Variants in CDYL2 observed in about 807,000 individuals in gnomAD.
CDYL2 encodes the protein chromodomain Y like 2.
Under a neutral mutation model 49.4 loss-of-function variants are expected in CDYL2, and 23 were observed. That is an observed-to-expected ratio of 0.47 (90% CI 0.34 to 0.66). The LOEUF (loss-of-function observed/expected upper bound fraction) is 0.66, where lower values mean the gene tolerates loss of function less well. Among genes scored for constraint, CDYL2 ranks in the 30% least tolerant of loss-of-function variants. The pLI is 0.01. For missense variants in CDYL2, 678 were observed against 656.4 expected, an observed-to-expected ratio of 1.03 and a Z score of -0.36; for synonymous variants, 360 against 268.8, an observed-to-expected ratio of 1.34 and a Z score of -3.32.
At chr16:80,713,860 C>T (rs729936) in intron 1 of CDYL2, among the ~76,000 whole-genome samples, 41,795 of 152,012 alleles carry the variant, frequency 0.27, 10,797 homozygotes, top group African/African-American at 0.68. Flanking sequence ...CAAGCCCTCA[C>T]GGAGAGACTA....
chr16:80,729,104 T>C (rs1030651658), intron 1 of CDYL2, among the ~76,000 whole-genome samples: 7 of 151,890 alleles, frequency 4.6e-5, no homozygotes, highest in African/African-American at 1.5e-4. Flanking sequence ...ATAACAATAT[T>C]AACTTTAAAT....
At chr16:80,698,091 T>C (rs538073852) in intron 1 of CDYL2, among the ~76,000 whole-genome samples, 4 of 151,840 alleles carry the variant, frequency 2.6e-5, no homozygotes, top group East Asian at 1.9e-4. Context: ...TAGTCAAAGT[T>C]ATCCTGAGCA....
intron 2 of CDYL2, among the ~76,000 whole-genome samples, chr16:80,670,320 G>C (rs1379273214): frequency 6.6e-6 from 1 of 152,074 alleles, no homozygotes; most frequent in African/African-American, 2.4e-5. Flanking sequence ...CTGTTCTTGT[G>C]ATACTGAAGT....
Position 80,743,392 on chromosome 16 carries a change from A to C in CDYL2, c.25-58263T>G, listed in dbSNP as rs565656385. ...GAAGTCACAAAGTGTGAAAGTCTTTATTTGCAGTCTAAATCTCAAGGAACC... is the reference window on the plus strand; with the variant it reads ...GAAGTCACAAAGTGTGAAAGTCTTTCTTTGCAGTCTAAATCTCAAGGAACC... On this transcript the variant is annotated intron_variant, in intron 1 of 6. Coordinates refer to ENST00000570137, the MANE Select transcript of CDYL2 (RefSeq NM_152342.4). Among the ~76,000 whole-genome samples, 5 of 152,340 alleles carry C rather than the reference A, an allele frequency of 3.3e-5. No individual in the cohort carries two copies. In the South Asian group the frequency reaches 1.0e-3, roughly 32 times the overall value.
chr16:80,754,320 G>C (rs1374584524), intron 1 of CDYL2, among the ~76,000 whole-genome samples: 1 of 152,160 alleles, frequency 6.6e-6, no homozygotes, highest in Non-Finnish European at 1.5e-5. Context: ...GAGATATCCA[G>C]AATATATGGC....
intron 1 of CDYL2, among the ~76,000 whole-genome samples, chr16:80,709,176 G>T (rs1904504714): frequency 6.6e-6 from 1 of 152,162 alleles, no homozygotes; most frequent in South Asian, 2.1e-4. Context: ...GAAGTCAACA[G>T]ATCAAGACCA....
intron 1 of CDYL2, among the ~76,000 whole-genome samples, chr16:80,793,433 G>A (rs910421080): frequency 3.9e-5 from 6 of 152,166 alleles, no homozygotes; most frequent in Non-Finnish European, 8.8e-5. Flanking sequence ...GAATTTCAAG[G>A]ACAATCTGAA....
At chr16:80,776,978 C>T (rs1201627407) in intron 1 of CDYL2, among the ~76,000 whole-genome samples, 2 of 151,938 alleles carry the variant, frequency 1.3e-5, no homozygotes, top group Non-Finnish European at 2.9e-5. Context: ...CTGCCACGCC[C>T]GGCTAATTTT....
chr16:80,743,494 G>A (rs1383269324), intron 1 of CDYL2, among the ~76,000 whole-genome samples: 4 of 152,280 alleles, frequency 2.6e-5, no homozygotes, highest in Middle Eastern at 3.4e-3. Context: ...ACCTGGAACT[G>A]GGGTGTATGA....
intron 1 of CDYL2, among the ~76,000 whole-genome samples, chr16:80,759,581 C>G (rs1906458193): frequency 6.6e-6 from 1 of 152,124 alleles, no homozygotes; most frequent in African/African-American, 2.4e-5. Context: ...GTGCATCGAT[C>G]AAATTGTTCC....
intron 2 of CDYL2, among the ~76,000 whole-genome samples, chr16:80,667,204 G>T (rs1909303535): frequency 6.6e-6 from 1 of 152,188 alleles, no homozygotes; most frequent in Non-Finnish European, 1.5e-5. Context: ...AGTCACACAT[G>T]CAGAACACAG....
intron 3 of CDYL2, 56 bp downstream of exon 3, chr16:80,632,963 T>C (rs1157942732): frequency 1.4e-5 from 22 of 1,522,656 alleles, no homozygotes; most frequent in Non-Finnish European, 1.9e-5. Context: ...TATTCCATTC[T>C]GAGTGAGAAG....
At chr16:80,746,707 G>T (rs940162335) in intron 1 of CDYL2, among the ~76,000 whole-genome samples, 5 of 152,150 alleles carry the variant, frequency 3.3e-5, no homozygotes, top group Non-Finnish European at 5.9e-5. Flanking sequence ...AGGTGTGAGG[G>T]TGTGGGGCAG....
At chr16:80,753,233 T>C (rs1906196038) in intron 1 of CDYL2, among the ~76,000 whole-genome samples, 1 of 151,866 alleles carries the variant, frequency 6.6e-6, no homozygotes, top group South Asian at 2.1e-4. Context: ...AAGAATGGCC[T>C]TTCCGAGAAA....
intron 2 of CDYL2, among the ~76,000 whole-genome samples, chr16:80,664,763 C>T (rs1909190307): frequency 6.6e-6 from 1 of 152,126 alleles, no homozygotes. Flanking sequence ...CTGGAACAGC[C>T]ACCTACTGAC....
intron 2 of CDYL2, 55 bp from the exon 3 acceptor site, chr16:80,633,291 G>T (rs1279408741): frequency 1.3e-6 from 2 of 1,551,658 alleles, no homozygotes; most frequent in East Asian, 2.3e-5. Context: ...GATCCTAGAA[G>T]GATGTGATCA....
intron 4 of CDYL2, among the ~76,000 whole-genome samples, chr16:80,616,768 G>A (rs1906844887): frequency 1.3e-5 from 2 of 152,174 alleles, no homozygotes; most frequent in South Asian, 4.1e-4. Context: ...ACCATAATAA[G>A]AACTCCAAGA....
chr16:80,683,426 C>T (rs1910047785), intron 2 of CDYL2, among the ~76,000 whole-genome samples: 1 of 152,238 alleles, frequency 6.6e-6, no homozygotes, highest in African/African-American at 2.4e-5. Flanking sequence ...CAGGAAATCT[C>T]ATGTTTGGGA....
intron 1 of CDYL2, among the ~76,000 whole-genome samples, chr16:80,703,224 CTT>C (rs1224189691): frequency 6.6e-6 from 1 of 152,162 alleles, no homozygotes; most frequent in Non-Finnish European, 1.5e-5. Flanking sequence ...TCTTTATACT[CTT>C]TTGTATTTAC....
Sources: allele counts gnomAD v4.1 joint callset (sites outside exome capture counted in the v4.1 genomes callset), GRCh38; gene constraint gnomAD v4.1.1; transcripts MANE v1.5; gene names NCBI Gene and HGNC (gene_info 2026-07-23, HGNC 2026-07-21).